ADAMTS6: variants seen among roughly 807,000 people sequenced by gnomAD.
The protein encoded by ADAMTS6 is ADAM metallopeptidase with thrombospondin type 1 motif 6, also known as A disintegrin and metalloproteinase with thrombospondin motifs 6.
In ADAMTS6, 23 loss-of-function variants were observed where a neutral mutation model predicts 144.3. The observed-to-expected ratio is 0.16, with a 90% CI of 0.11 to 0.23. The LOEUF is 0.23. ADAMTS6 is among the 10% of genes least tolerant of loss of function. The probability of loss-of-function intolerance (pLI) is 1.00; values close to 1 mark genes in which losing one functional copy is unlikely to be tolerated. For synonymous variants in ADAMTS6, 444 were observed against 457.5 expected (o/e 0.97, Z 0.38); for missense variants, 999 against 1,379.6 (o/e 0.72, Z 4.37).
intron 14 of ADAMTS6, among the ~76,000 whole-genome samples, chr5:65,246,291 C>T (rs747667378): frequency 3.3e-5 from 5 of 152,164 alleles, no homozygotes; most frequent in Non-Finnish European, 5.9e-5. Flanking sequence ...CCTACGGGCA[C>T]ATCATAACTT....
At position 65,470,670 on chromosome 5, in the gene ADAMTS6, TAAAC is replaced by T. The variant is rs548121789; in HGVS notation, c.462+104_462+107del. The T allele has an allele frequency of 2.9e-3, 2,538 of 886,806 alleles. 6 individuals carry two copies. Among genetic ancestry groups the T allele is most frequent in the Non-Finnish European group, 3.5e-3 (2,361 of 671,458 alleles). 54.9% of individuals were successfully genotyped at this position (886,806 alleles called of 1,614,324 possible). On this transcript the variant is annotated intron_variant, in intron 3 of 24. Coordinates refer to ENST00000381055, the MANE Select transcript of ADAMTS6 (RefSeq NM_197941.4). Reference sequence around the variant, plus strand: ...AATTTTAAACTATTACCTTCCTACTTAAACTACCTATATATATATATATTTTTTT... The same window carrying T: ...AATTTTAAACTATTACCTTCCTACTTTACCTATATATATATATATTTTTTT...
intron 7 of ADAMTS6, among the ~76,000 whole-genome samples, chr5:65,382,491 G>A (rs1392935155): frequency 1.3e-5 from 2 of 152,196 alleles, no homozygotes; most frequent in African/African-American, 4.8e-5. Flanking sequence ...TAATTTCTAT[G>A]TATTGATGTT....
chr5:65,322,096 G>A (rs1745669608), intron 9 of ADAMTS6, among the ~76,000 whole-genome samples: 1 of 152,110 alleles, frequency 6.6e-6, no homozygotes, highest in African/African-American at 2.4e-5. Flanking sequence ...TGGCTAGCCA[G>A]TTATCCTAGC....
At chr5:65,460,468 T>C (rs1262038753) in intron 3 of ADAMTS6, 130 bp from the exon 4 acceptor site, 1 of 829,328 alleles carries the variant, frequency 1.2e-6, no homozygotes, top group African/African-American at 1.7e-5. Flanking sequence ...ATAAAAAAAT[T>C]AGCGAATTAT....
chr5:65,239,179 A>G (rs1442355879), intron 15 of ADAMTS6, among the ~76,000 whole-genome samples: 2 of 151,666 alleles, frequency 1.3e-5, no homozygotes, highest in South Asian at 2.1e-4. Context: ...TGGCGAGTCA[A>G]TGGGTGCAGC....
At chr5:65,402,006 G>T (rs1268740839) in intron 7 of ADAMTS6, among the ~76,000 whole-genome samples, 1 of 151,760 alleles carries the variant, frequency 6.6e-6, no homozygotes, top group East Asian at 1.9e-4. Context: ...ATTTAACATT[G>T]TTATTTCCAG....
intron 21 of ADAMTS6, among the ~76,000 whole-genome samples, chr5:65,190,731 T>G (rs1371966763): frequency 6.6e-6 from 1 of 152,182 alleles, no homozygotes; most frequent in African/African-American, 2.4e-5. Context: ...ACTTGGAATA[T>G]ATGAAATCAG....
chr5:65,378,513 T>G (rs188934499), intron 7 of ADAMTS6, among the ~76,000 whole-genome samples: 7 of 152,268 alleles, frequency 4.6e-5, no homozygotes, highest in Admixed American at 4.6e-4. Context: ...TTCACTCCTC[T>G]CAATATGCGT....
At chr5:65,251,689 C>T (rs1216301889) in intron 14 of ADAMTS6, 1 of 152,178 alleles carries the variant, frequency 6.6e-6, no homozygotes, top group Admixed American at 6.5e-5. Context: ...CCTGATGCAA[C>T]TAATCAGCCT....
intron 11 of ADAMTS6, among the ~76,000 whole-genome samples, chr5:65,275,427 A>G (rs1762450512): frequency 6.6e-6 from 1 of 150,752 alleles, no homozygotes; most frequent in Non-Finnish European, 1.5e-5. Flanking sequence ...AAAGAAAGAA[A>G]GAAAGAAAAG....
chr5:65,367,070 C>T (rs1037660675), intron 7 of ADAMTS6, among the ~76,000 whole-genome samples: 1 of 148,798 alleles, frequency 6.7e-6, no homozygotes, highest in Admixed American at 6.6e-5. Context: ...CATCAGAATC[C>T]TTAAAAAATT....
intron 20 of ADAMTS6, chr5:65,213,932 G>T: frequency 6.3e-6 from 1 of 159,390 alleles, no homozygotes. Context: ...TAGGCCTGAA[G>T]GACAGGTTTG....
At chr5:65,428,141 ACT>A (rs1413676730) in intron 7 of ADAMTS6, among the ~76,000 whole-genome samples, 1 of 148,414 alleles carries the variant, frequency 6.7e-6, no homozygotes, top group East Asian at 2.0e-4. Context: ...CAGGAGAATC[ACT>A]CAAACCTGGG....
rs908987032 is a variant in ADAMTS6, at chr5:65,193,983, A to C, written c.2705+3039T>G. Among the ~76,000 whole-genome samples, 4 of 152,204 alleles carry C rather than the reference A, an allele frequency of 2.6e-5. No individual in the cohort carries two copies. The East Asian group carries it at 7.7e-4, about 29-fold the overall frequency. On this transcript the variant is annotated intron_variant, in intron 21 of 24. Transcript: ENST00000381055. ...ACACATGCCTCTGTATACATAGAAA[A>C]AATACTGGAAATATATACATCAAAG...
At chr5:65,206,743 G>T in intron 20 of ADAMTS6, among the ~76,000 whole-genome samples, 1 of 135,068 alleles carries the variant, frequency 7.4e-6, no homozygotes, top group Admixed American at 7.4e-5. Context: ...GACTCAAAAA[G>T]TAAAATAAAA....
chr5:65,262,558 A>G (rs1761291719), intron 13 of ADAMTS6, among the ~76,000 whole-genome samples: 3 of 152,196 alleles, frequency 2.0e-5, no homozygotes, highest in Non-Finnish European at 4.4e-5. Flanking sequence ...TTATTAGATT[A>G]AAAGTCTGGC....
At chr5:65,305,898 T>C (rs572972596) in intron 9 of ADAMTS6, among the ~76,000 whole-genome samples, 3 of 152,302 alleles carry the variant, frequency 2.0e-5, no homozygotes, top group African/African-American at 7.2e-5. Context: ...CCTCCACATC[T>C]TGCTGCAGGT....
chr5:65,304,346 T>C (rs1320185190), intron 9 of ADAMTS6, among the ~76,000 whole-genome samples: 1 of 152,210 alleles, frequency 6.6e-6, no homozygotes, highest in Admixed American at 6.5e-5. Flanking sequence ...AAAATACATT[T>C]CTTTTTTGGC....
At chr5:65,470,689 TATA>T in intron 3 of ADAMTS6, 86 bp downstream of exon 3, 27 of 1,067,812 alleles carry the variant, frequency 2.5e-5, no homozygotes, top group South Asian at 4.1e-5. Flanking sequence ...TATATATATA[TATA>T]TTTTTTTTTT....
Sources: gnomAD v4.1 joint callset for allele counts (sites outside exome capture counted in the v4.1 genomes callset) on GRCh38, gnomAD v4.1.1 for gene constraint, MANE v1.5 for transcripts, NCBI Gene and HGNC (gene_info 2026-07-23, HGNC 2026-07-21) for gene names.